Variants in PCDHGA8 observed in about 807,000 individuals in gnomAD.
PCDHGA8 encodes the protein protocadherin gamma subfamily A, 8, also known as protocadherin gamma-A8.
Under a neutral mutation model 59.2 loss-of-function variants are expected in PCDHGA8, and 45 were observed. The ratio of observed to expected loss-of-function variants is 0.76; its 90% CI spans 0.60 to 0.98. PCDHGA8 has a LOEUF of 0.98. PCDHGA8 is among the 50% of genes least tolerant of loss of function. PCDHGA8 has a pLI of 0.00. For synonymous variants in PCDHGA8, 531 were observed against 519.0 expected, an observed-to-expected ratio of 1.02 and a Z score of -0.32; for missense variants, 1,257 against 1,196.2, an observed-to-expected ratio of 1.05 and a Z score of -0.75.
chr5:141,440,918 A>C (rs2154559108), intron 1 of PCDHGA8: 1 of 152,384 alleles, frequency 6.6e-6, no homozygotes, highest in Admixed American at 6.5e-5. Context: ...TCCTGTGCTG[A>C]GAGTGAGGGC....
At chr5:141,435,004 A>G (rs1481428383) in intron 1 of PCDHGA8, among the ~76,000 whole-genome samples, 1 of 152,096 alleles carries the variant, frequency 6.6e-6, no homozygotes, top group Non-Finnish European at 1.5e-5. Flanking sequence ...AGCTGAATTT[A>G]TCAATGATAA....
intron 1 of PCDHGA8, among the ~76,000 whole-genome samples, chr5:141,449,391 G>A (rs1020753910): frequency 1.3e-5 from 2 of 151,876 alleles, no homozygotes; most frequent in Non-Finnish European, 2.9e-5. Context: ...TGGATTACTT[G>A]AGGCCAGGAG....
chr5:141,462,242 G>A (rs1325040495), intron 1 of PCDHGA8, among the ~76,000 whole-genome samples: 3 of 152,234 alleles, frequency 2.0e-5, no homozygotes, highest in Non-Finnish European at 4.4e-5. Context: ...TTACAGGTAT[G>A]AGCCACCATG....
Position 141,454,887 on chromosome 5 carries a change from T to C in PCDHGA8, c.2425-39920T>C, listed in dbSNP as rs1291501766. Among the ~76,000 whole-genome samples, 3 of 138,310 alleles carry C rather than the reference T, an allele frequency of 2.2e-5. No homozygotes were observed. The Admixed American group carries it at 2.3e-4, about 11-fold the overall frequency. 90.7% of individuals were successfully genotyped at this position (138,310 alleles called of 152,430 possible). A position where few individuals can be genotyped will look rare whatever the true frequency, so the allele number is the denominator to read the frequency against. ...CAGTGGCACGATCTTGGCTCACTGC[T>C]AGCACCGCCTCCCGGGTTCACGCCA... On this transcript the variant is annotated intron_variant, in intron 1 of 3. Coordinates refer to ENST00000398604, the MANE Select transcript of PCDHGA8 (RefSeq NM_032088.2).
chr5:141,469,830 A>G (rs184478661), intron 1 of PCDHGA8, among the ~76,000 whole-genome samples: 1 of 152,124 alleles, frequency 6.6e-6, no homozygotes, highest in African/African-American at 2.4e-5. Flanking sequence ...GGTCACATAA[A>G]ACTTATTCTT....
intron 1 of PCDHGA8, chr5:141,423,616 G>A: frequency 6.2e-7 from 1 of 1,609,594 alleles, no homozygotes; most frequent in Admixed American, 1.7e-5. Context: ...GATAGCTGAA[G>A]ACTCAGCTAT....
rs751560177 is a variant in PCDHGA8 at position 141,432,962 on chromosome 5, G to T, written c.2424+37725G>T. 7 of 1,614,092 alleles carry T rather than the reference G, an allele frequency of 4.3e-6. No individual in the cohort carries two copies. The highest frequency in any genetic ancestry group is 5.9e-6 in the Non-Finnish European group (7 of 1,180,046). Reference sequence around the variant, plus strand: ...GGCTTCAGGAGGCGGCTTGACAGGAGCGCCGGCGTCGCACTTTGTGGGCGT... The same window carrying T: ...GGCTTCAGGAGGCGGCTTGACAGGATCGCCGGCGTCGCACTTTGTGGGCGT... On this transcript the variant is annotated intron_variant, in intron 1 of 3. Transcript: ENST00000398604. The surrounding 1 kb of genome is among the most constrained non-coding windows in gnomAD (Gnocchi z 6.0).
At position 141,413,154 on chromosome 5, in the gene PCDHGA8, A is replaced by C. The variant is rs1308503780; in HGVS notation, c.2424+17917A>C. 10 of 1,576,026 alleles carry C rather than the reference A, an allele frequency of 6.3e-6. No homozygotes were observed. In the South Asian group the frequency reaches 1.2e-4, roughly 18 times the overall value. ...ACAACGTGTCCAGTGAGGACTTTGC[A>C]GAATTCTGTAACCAGACTACAATGG... On this transcript the variant is annotated intron_variant, in intron 1 of 3. Coordinates refer to ENST00000398604, the MANE Select transcript of PCDHGA8 (RefSeq NM_032088.2).
chr5:141,403,161 G>A (rs1435695987), intron 1 of PCDHGA8: 12 of 1,614,026 alleles, frequency 7.4e-6, no homozygotes, highest in Non-Finnish European at 1.0e-5. Context: ...GTCTCTAGAG[G>A]TAGGACGCAG....
chr5:141,508,062 C>T (rs910730855), intron 3 of PCDHGA8: 2 of 152,316 alleles, frequency 1.3e-5, no homozygotes, highest in African/African-American at 4.8e-5. Flanking sequence ...TAATCAGCCT[C>T]CTTGGGCTAC....
chr5:141,472,009 G>A (rs917861040), intron 1 of PCDHGA8, among the ~76,000 whole-genome samples: 11 of 152,074 alleles, frequency 7.2e-5, no homozygotes, highest in African/African-American at 2.7e-4. Flanking sequence ...TCGTATAGGG[G>A]CACTATATTG....
At chr5:141,467,628 C>G (rs181245841) in intron 1 of PCDHGA8, among the ~76,000 whole-genome samples, 49 of 152,224 alleles carry the variant, frequency 3.2e-4, no homozygotes, top group African/African-American at 1.1e-3. Context: ...TTTGAGATAG[C>G]ATCTTTATCA....
chr5:141,415,078 G>T (rs780547982), intron 1 of PCDHGA8: 2 of 1,613,376 alleles, frequency 1.2e-6, no homozygotes, highest in Non-Finnish European at 8.5e-7. Context: ...CACGGCGCGA[G>T]CCCTGCTGGA....
In PCDHGA8 at chr5:141,404,687, C is replaced by T. The variant is rs190249934; in HGVS notation, c.2424+9450C>T. 2,728 of 1,614,088 alleles carry T rather than the reference C, an allele frequency of 1.7e-3. 3 individuals carry two copies. Among genetic ancestry groups the T allele is most frequent in the Non-Finnish European group, 2.2e-3 (2,615 of 1,179,946 alleles). On this transcript the variant is annotated intron_variant, in intron 1 of 3. Coordinates refer to ENST00000398604, the MANE Select transcript of PCDHGA8 (RefSeq NM_032088.2). ...TGGTTCTACTGGTGTGGAGCTGGCA[C>T]CCCGCTCTGCAGAGCCTGGCTACCT...
At chr5:141,410,445 T>A in intron 1 of PCDHGA8, 1 of 1,614,060 alleles carries the variant, frequency 6.2e-7, no homozygotes. Flanking sequence ...GAGGGGACTT[T>A]GCCTTATTCT....
At chr5:141,423,755 GGGGGGT>G in intron 1 of PCDHGA8, 4 of 512,470 alleles carry the variant, frequency 7.8e-6, no homozygotes, top group Non-Finnish European at 1.0e-5. Context: ...CTGTTTGGGG[GGGGGGT>G]GGGGCGGCAT....
intron 1 of PCDHGA8, among the ~76,000 whole-genome samples, chr5:141,467,680 T>A (rs75237059): frequency 6.6e-6 from 1 of 152,138 alleles, no homozygotes; most frequent in Non-Finnish European, 1.5e-5. Flanking sequence ...TTATTTTTTT[T>A]AGACAGGGTC....
chr5:141,413,812 C>G (rs761118146), intron 1 of PCDHGA8: 3 of 1,613,144 alleles, frequency 1.9e-6, no homozygotes, highest in Non-Finnish European at 1.7e-6. Context: ...GGCCATTCAC[C>G]ACCTGGTCCT....
intron 1 of PCDHGA8, among the ~76,000 whole-genome samples, chr5:141,429,386 T>TA (rs1561841076): frequency 9.9e-5 from 15 of 151,936 alleles, no homozygotes; most frequent in South Asian, 8.3e-4. Flanking sequence ...TGTTTTTTTT[T>TA]TAAAAAAAAT....
Sources: allele counts gnomAD v4.1 joint callset (sites outside exome capture counted in the v4.1 genomes callset), GRCh38; gene constraint gnomAD v4.1.1; non-coding constraint Gnocchi (gnomAD v3.1); transcripts MANE v1.5; gene names NCBI Gene and HGNC (gene_info 2026-07-23, HGNC 2026-07-21).